The following PTPRN variants were observed in gnomAD, a reference collection of about 807,000 sequenced individuals.
PTPRN encodes the protein protein tyrosine phosphatase receptor type N, also known as receptor-type tyrosine-protein phosphatase-like N.
PTPRN carries 70 observed loss-of-function variants against 108.5 expected under a neutral mutation model. That is an observed-to-expected ratio of 0.65 (90% CI 0.53 to 0.79). The LOEUF (loss-of-function observed/expected upper bound fraction) is 0.79. Among genes scored for constraint, PTPRN ranks in the 30% least tolerant of loss-of-function variants. The pLI is 0.00. For missense variants in PTPRN, 1,136 were observed against 1,295.5 expected, an observed-to-expected ratio of 0.88 and a Z score of 1.89; for synonymous variants, 496 against 524.6, an observed-to-expected ratio of 0.95 and a Z score of 0.75.
chr2:219,301,842 C>T (rs1043707526), intron 6 of PTPRN, 123 bp from the exon 7 acceptor site: 32 of 1,234,466 alleles, frequency 2.6e-5, no homozygotes, highest in Middle Eastern at 5.2e-4. Flanking sequence ...ACCAGGACAC[C>T]AAGAGATGCC....
Position 219,296,589 on chromosome 2 carries a change from G to T in PTPRN, c.2311-73C>A. ...ATGGACAGGCGTGGTCAGAGCAAGT[G>T]GGTCAGGGTCTGAGAAGGCTGGCAG... On this transcript the variant is annotated intron_variant, in intron 16 of 22. Coordinates refer to ENST00000295718, the MANE Select transcript of PTPRN (RefSeq NM_002846.4). This position sits in a 1 kb window ranked among gnomAD's most constrained non-coding sequence, Gnocchi z 6.0. 3 of 1,585,404 alleles carry T rather than the reference G, an allele frequency of 1.9e-6. No homozygotes were observed. The highest frequency in any genetic ancestry group is 2.6e-6 in the Non-Finnish European group (3 of 1,155,998).
In PTPRN at chr2:219,302,854, AGT is replaced by A. The variant is rs770884668; in HGVS notation, c.378-19_378-18del. 24 of 1,604,112 alleles carry A rather than the reference AGT, an allele frequency of 1.5e-5. No individual in the cohort carries two copies. The highest frequency in any genetic ancestry group is 3.5e-4 in the Middle Eastern group (2 of 5,756). On this transcript the variant is annotated intron_variant, in intron 4 of 22. Coordinates refer to ENST00000295718, the MANE Select transcript of PTPRN (RefSeq NM_002846.4). ...AAGCCAGACCTGTAGAGGAAAGCAA[AGT>A]GTGTGTGTTGGAGCGGGGGAAAGGG...
At position 219,290,458 on chromosome 2, in the gene PTPRN, T is replaced by C. The variant is rs865814736; in HGVS notation, c.2868+80A>G. On this transcript the variant is annotated intron_variant, in intron 22 of 22. Coordinates refer to ENST00000295718, the MANE Select transcript of PTPRN (RefSeq NM_002846.4). This position sits in a 1 kb window ranked among gnomAD's most constrained non-coding sequence, Gnocchi z 4.2. ...GAAGCAGGTGGGAAAGGTTGGCAGC[T>C]GCTGCTTTCCCTGGGGTGGCCAAGA... The C allele has an allele frequency of 1.1e-5, 16 of 1,448,114 alleles. 1 individual carries two copies. In the Middle Eastern group the frequency reaches 2.2e-3, roughly 202 times the overall value. The allele number at this position is 1,448,114 out of a possible 1,614,324, so 89.7% of individuals were successfully genotyped here.
intron 6 of PTPRN, 138 bp from the exon 7 acceptor site, chr2:219,301,857 C>G (rs1952356758): frequency 8.5e-7 from 1 of 1,175,738 alleles, no homozygotes; most frequent in Non-Finnish European, 1.2e-6. Flanking sequence ...GATGCCCTCC[C>G]TTTCCCAGCC....
Position 219,302,694 on chromosome 2 carries a change from G to T in PTPRN, c.521C>A (p.Ser174Tyr), listed in dbSNP as rs777759530. Residue 174 changes from serine to tyrosine, a missense_variant, in exon 5 of 23, where the codon TCC (serine) becomes TAC (tyrosine). Transcript: ENST00000295718. ...KGGAGASSSLSPLQAELLPPL... is the reference protein window; with the variant it reads ...KGGAGASSSLYPLQAELLPPL... ...CGGGAGCAGCTCAGCCTGCAGAGGG[G>T]ACAGAGAGGAGCTGGCCCCAGCTCC... 5.6e-6 allele frequency: 9 copies of T among 1,613,380 alleles called. No individual in the cohort carries two copies. The South Asian group carries it at 9.9e-5, about 18-fold the overall frequency.
chr2:219,296,565 T>G lies in PTPRN; in HGVS notation c.2311-49A>C. The G allele has an allele frequency of 3.1e-6, 5 of 1,606,700 alleles. No individual in the cohort carries two copies. The highest frequency in any genetic ancestry group is 4.3e-6 in the Non-Finnish European group (5 of 1,174,062). On this transcript the variant is annotated intron_variant, in intron 16 of 22. Transcript: ENST00000295718. This position sits in a 1 kb window ranked among gnomAD's most constrained non-coding sequence, Gnocchi z 6.0. ...TGAGCCAGTGTGGGAAATGCCACTATGGACAGGCGTGGTCAGAGCAAGTGG... is the reference window on the plus strand; with the variant it reads ...TGAGCCAGTGTGGGAAATGCCACTAGGGACAGGCGTGGTCAGAGCAAGTGG...
At chr2:219,299,156 C>T (rs1952277462) in intron 11 of PTPRN, 45 bp from the exon 12 acceptor site, 3 of 1,612,434 alleles carry the variant, frequency 1.9e-6, no homozygotes, top group Non-Finnish European at 2.5e-6. Flanking sequence ...CCCATGTGGT[C>T]TCCATCCTCT....
At chr2:219,294,583 G>A (rs1952134273) in intron 19 of PTPRN, among the ~76,000 whole-genome samples, 1 of 141,112 alleles carries the variant, frequency 7.1e-6, no homozygotes, top group Non-Finnish European at 1.5e-5. Flanking sequence ...GCAAGGCAGC[G>A]CAGTGCAGGG....
intron 19 of PTPRN, 58 bp downstream of exon 19, chr2:219,294,916 CG>C (rs1952146350): frequency 1.5e-6 from 2 of 1,374,508 alleles, no homozygotes; most frequent in African/African-American, 3.1e-5. Context: ...GAGCGGCGGG[CG>C]GACCCCGGCT....
intron 19 of PTPRN, among the ~76,000 whole-genome samples, chr2:219,293,480 C>T (rs2125088972): frequency 1.3e-5 from 2 of 152,206 alleles, no homozygotes; most frequent in South Asian, 4.1e-4. Flanking sequence ...GCGCCCGGCC[C>T]CGAACTGCAT....
At chr2:219,294,149 T>C (rs895143371) in intron 19 of PTPRN, 3 of 530,464 alleles carry the variant, frequency 5.7e-6, no homozygotes, top group Admixed American at 2.0e-5. Context: ...ACTATGCAAC[T>C]GGAGTGAGAA....
chr2:219,308,240 C>T (rs1453248169), intron 1 of PTPRN: 5 of 190,766 alleles, frequency 2.6e-5, no homozygotes, highest in Non-Finnish European at 3.2e-5. Flanking sequence ...ACACTTCCCC[C>T]GGTCGGGGGA....
chr2:219,309,103 A>T (rs1368560848), intron 1 of PTPRN, 115 bp downstream of exon 1: 121 of 1,422,658 alleles, frequency 8.5e-5, no homozygotes, highest in Non-Finnish European at 1.1e-4. Flanking sequence ...GCCTCCCCCA[A>T]CCCATATTCT....
In PTPRN at chr2:219,297,375, G is replaced by A. The variant is rs756408176; in HGVS notation, c.1946C>T (p.Pro649Leu). The A allele has an allele frequency of 2.6e-5, 42 of 1,614,002 alleles. No homozygotes were observed. The East Asian group carries it at 6.7e-4, about 26-fold the overall frequency. The change falls in exon 14 of 23, where the codon CCG becomes CTG. Residue 649 changes from proline to leucine, a missense_variant. Physicochemically the swap from Pro to Leu is moderately conservative, Grantham distance 98. Transcript: ENST00000295718. This position sits in a 1 kb window ranked among gnomAD's most constrained non-coding sequence, Gnocchi z 6.0. ...KSLFNRAEGPPEPSRVSSVSS... is the reference protein window; with the variant it reads ...KSLFNRAEGPLEPSRVSSVSS... ...CACACTGCTCACCCGTGAAGGCTCC[G>A]GTGGACCCTCTGCCCGGTTGAACAA...
intron 12 of PTPRN, among the ~76,000 whole-genome samples, chr2:219,298,714 C>T (rs530674064): frequency 6.6e-5 from 10 of 152,306 alleles, no homozygotes; most frequent in Non-Finnish European, 1.3e-4. Flanking sequence ...CTGTCTCAGA[C>T]AAACAAACAA....
intron 3 of PTPRN, chr2:219,307,211 A>G: frequency 2.2e-6 from 1 of 457,876 alleles, no homozygotes; most frequent in South Asian, 4.2e-5. Flanking sequence ...TCCTAAGAAG[A>G]TGGAAGCTGG....
intron 3 of PTPRN, 140 bp downstream of exon 3, chr2:219,307,304 C>A (rs1247975222): frequency 2.9e-6 from 2 of 690,988 alleles, no homozygotes; most frequent in Non-Finnish European, 4.8e-6. Flanking sequence ...TCTAGGGTTC[C>A]ACCTCTTACT....
intron 11 of PTPRN, 39 bp from the exon 12 acceptor site, chr2:219,299,150 T>G: frequency 6.2e-7 from 1 of 1,613,228 alleles, no homozygotes; most frequent in Non-Finnish European, 8.5e-7. Flanking sequence ...TCCAGCCCCA[T>G]GTGGTCTCCA....
In PTPRN at chr2:219,302,855, G is replaced by C. The variant is rs1952392069; in HGVS notation, c.378-18C>G. On this transcript the variant is annotated intron_variant, in intron 4 of 22. Coordinates refer to ENST00000295718, the MANE Select transcript of PTPRN (RefSeq NM_002846.4). ...AGCCAGACCTGTAGAGGAAAGCAAA[G>C]TGTGTGTGTTGGAGCGGGGGAAAGG... is the stretch of plus-strand genomic sequence containing the variant. 20 of 1,603,780 alleles carry C rather than the reference G, an allele frequency of 1.2e-5. No individual in the cohort carries two copies. Among genetic ancestry groups the C allele is most frequent in the Non-Finnish European group, 1.6e-5 (19 of 1,177,262 alleles).
Sources: allele counts gnomAD v4.1 joint callset (sites outside exome capture counted in the v4.1 genomes callset), GRCh38; gene constraint gnomAD v4.1.1; non-coding constraint Gnocchi (gnomAD v3.1); transcripts MANE v1.5; gene names NCBI Gene and HGNC (gene_info 2026-07-23, HGNC 2026-07-21).